PPAT: variants seen among roughly 807,000 people sequenced by gnomAD.
PPAT encodes amidophosphoribosyltransferase.
In PPAT, 20 loss-of-function variants were observed where a neutral mutation model predicts 60.2. That is an observed-to-expected ratio of 0.33 (90% CI 0.23 to 0.48). The LOEUF is 0.48. PPAT is among the 20% of genes least tolerant of loss of function. The pLI is 0.99. For missense variants in PPAT, 349 were observed against 629.6 expected, an observed-to-expected ratio of 0.55 and a Z score of 4.77; for synonymous variants, 194 against 215.1, an observed-to-expected ratio of 0.90 and a Z score of 0.86.
chr4:56,407,490 G>T (rs1716275543), intron 2 of PPAT, among the ~76,000 whole-genome samples, 160 bp downstream of exon 2: 2 of 151,994 alleles, frequency 1.3e-5, no homozygotes, highest in Admixed American at 6.6e-5. Context: ...GGCTAATTTT[G>T]TATTTTTAGT....
intron 1 of PPAT, among the ~76,000 whole-genome samples, chr4:56,417,066 C>A (rs1716788374): frequency 6.6e-6 from 1 of 152,190 alleles, no homozygotes; most frequent in South Asian, 2.1e-4. Context: ...CCAGGCTGAT[C>A]TAGAACTCTC....
intron 1 of PPAT, among the ~76,000 whole-genome samples, chr4:56,428,564 T>C (rs1717416446): frequency 6.6e-6 from 1 of 152,136 alleles, no homozygotes; most frequent in African/African-American, 2.4e-5. Context: ...AGAAGTTGAC[T>C]GCATCCTAAG....
intron 1 of PPAT, among the ~76,000 whole-genome samples, chr4:56,412,532 G>A (rs968474724): frequency 5.9e-5 from 9 of 152,150 alleles, no homozygotes; most frequent in Non-Finnish European, 1.2e-4. Context: ...GAACTCCTGG[G>A]TTCAAGAGAT....
At chr4:56,411,030 G>A (rs541181371) in intron 1 of PPAT, 11 of 664,044 alleles carry the variant, frequency 1.7e-5, no homozygotes, top group Admixed American at 6.4e-5. Context: ...TATCAAGACT[G>A]TGGAAAAATA....
In PPAT at chr4:56,435,547, T is replaced by A. The variant is rs1717863578; in HGVS notation, c.-70A>T. ...GTGTAAGCACCAACCAGCTGCCAGCTCGGCCCGTCGAGCTCAGAAGCTCGC... is the reference window on the plus strand; with the variant it reads ...GTGTAAGCACCAACCAGCTGCCAGCACGGCCCGTCGAGCTCAGAAGCTCGC... On this transcript the variant is annotated 5_prime_UTR_variant, in exon 1 of 11. Coordinates refer to ENST00000264220, the MANE Select transcript of PPAT (RefSeq NM_002703.5). 6.2e-7 allele frequency: 1 copy of A among 1,607,826 alleles called. No individual in the cohort carries two copies. The highest frequency in any genetic ancestry group is 1.7e-5 in the Admixed American group (1 of 59,776).
chr4:56,424,213 C>A (rs917544045), intron 1 of PPAT, among the ~76,000 whole-genome samples: 12 of 152,200 alleles, frequency 7.9e-5, no homozygotes, highest in African/African-American at 2.9e-4. Context: ...AAGCCATAAG[C>A]TTTTCTTTAC....
chr4:56,435,611 C>T lies in PPAT; in HGVS notation c.-134G>A. On this transcript the variant is annotated 5_prime_UTR_variant, in exon 1 of 11. Coordinates refer to ENST00000264220, the MANE Select transcript of PPAT (RefSeq NM_002703.5). ...TCTTCCTTCCCGAGGGTGGCCCCAG[C>T]TACTGCGGCGGCGCGCGCTGTCCCT... 1.3e-6 allele frequency: 2 copies of T among 1,505,810 alleles called. No homozygotes were observed. Among genetic ancestry groups the T allele is most frequent in the Non-Finnish European group, 1.8e-6 (2 of 1,118,282 alleles). The allele number at this position is 1,505,810 out of a possible 1,614,324, so 93.3% of individuals were successfully genotyped here. A position where few individuals can be genotyped will look rare whatever the true frequency, so the allele number is the denominator to read the frequency against.
At chr4:56,419,171 G>A (rs968759646) in intron 1 of PPAT, among the ~76,000 whole-genome samples, 3 of 152,028 alleles carry the variant, frequency 2.0e-5, no homozygotes, top group South Asian at 2.1e-4. Flanking sequence ...AAAGGAAATC[G>A]TAAGATAAAG....
intron 1 of PPAT, among the ~76,000 whole-genome samples, chr4:56,433,839 A>G (rs986832840): frequency 1.3e-5 from 2 of 152,058 alleles, no homozygotes; most frequent in Admixed American, 6.6e-5. Flanking sequence ...GGACTACAGG[A>G]GCGCATCACC....
intron 1 of PPAT, among the ~76,000 whole-genome samples, chr4:56,410,205 A>C (rs1424114660): frequency 6.6e-6 from 1 of 152,244 alleles, no homozygotes; most frequent in Non-Finnish European, 1.5e-5. Context: ...TTAAAAATCA[A>C]CAATCATTTG....
chr4:56,400,065 A>C (rs1186962198), intron 8 of PPAT: 1 of 152,202 alleles, frequency 6.6e-6, no homozygotes, highest in Non-Finnish European at 1.5e-5. Flanking sequence ...AAATTTTTCC[A>C]CTGAATATAT....
Position 56,435,442 on chromosome 4 carries a change from A to G in PPAT, c.36T>C (p.Cys12=). 6.2e-7 allele frequency: 1 copy of G among 1,613,722 alleles called. No homozygotes were observed. The highest frequency in any genetic ancestry group is 8.5e-7 in the Non-Finnish European group (1 of 1,179,874). ...ELEELGIREE[C]GVFGCIASGE... Reference sequence around the variant, plus strand: ...CTGAGGCGATGCACCCGAACACGCCACATTCCTCTCGGATCCCCAACTCCT... The same window carrying G: ...CTGAGGCGATGCACCCGAACACGCCGCATTCCTCTCGGATCCCCAACTCCT... The change falls in exon 1 of 11, where the codon TGT becomes TGC. Residue 12 remains cysteine, a synonymous_variant. Transcript: ENST00000264220.
chr4:56,410,926 A>G, intron 1 of PPAT: 4 of 855,892 alleles, frequency 4.7e-6, no homozygotes, highest in Non-Finnish European at 5.6e-6. Context: ...AAAAAAAAAA[A>G]AAGAAAAGTA....
chr4:56,409,236 A>G (rs368967566), intron 1 of PPAT, among the ~76,000 whole-genome samples: 71 of 152,348 alleles, frequency 4.7e-4, no homozygotes, highest in Middle Eastern at 3.4e-3. Flanking sequence ...ATTGTCACAC[A>G]GACAGCAGGT....
intron 1 of PPAT, chr4:56,420,337 A>G (rs1716975925): frequency 1.3e-5 from 2 of 152,234 alleles, no homozygotes; most frequent in South Asian, 4.1e-4. Context: ...GGTCAAGTGT[A>G]TAATTTTCCA....
At chr4:56,414,719 C>G (rs1716631981) in intron 1 of PPAT, among the ~76,000 whole-genome samples, 1 of 152,162 alleles carries the variant, frequency 6.6e-6, no homozygotes, top group Admixed American at 6.5e-5. Context: ...AATCTGGACT[C>G]TAAACCAGGT....
At chr4:56,416,140 A>G (rs1467051279) in intron 1 of PPAT, among the ~76,000 whole-genome samples, 7 of 152,180 alleles carry the variant, frequency 4.6e-5, no homozygotes, top group African/African-American at 7.2e-5. Flanking sequence ...AAAATTATCA[A>G]ACAATTCTAG....
intron 1 of PPAT, among the ~76,000 whole-genome samples, chr4:56,433,207 G>A (rs1717694659): frequency 6.6e-6 from 1 of 151,606 alleles, no homozygotes; most frequent in Non-Finnish European, 1.5e-5. Context: ...AGCCCTCTTT[G>A]TGCACCTTAA....
intron 8 of PPAT, 86 bp from the exon 9 acceptor site, chr4:56,399,486 T>G (rs1716061633): frequency 9.7e-7 from 1 of 1,027,142 alleles, no homozygotes; most frequent in Non-Finnish European, 1.4e-6. Flanking sequence ...CGCCACAATA[T>G]TCAAGTAAAA....
Sources: allele counts gnomAD v4.1 joint callset (sites outside exome capture counted in the v4.1 genomes callset), GRCh38; gene constraint gnomAD v4.1.1; transcripts MANE v1.5; gene names NCBI Gene and HGNC (gene_info 2026-07-23, HGNC 2026-07-21).